Variants in CR1L observed in about 807,000 individuals in gnomAD.
The protein encoded by CR1L is complement C3b/C4b receptor 1 like, also known as complement component receptor 1-like protein.
A neutral mutation model predicts 62.3 loss-of-function variants in CR1L; 59 were observed. That is an observed-to-expected ratio of 0.95 (90% confidence interval 0.77 to 1.18). The LOEUF is 1.18. Among genes scored for constraint, CR1L ranks in the 50% most tolerant of loss-of-function variants. The probability of loss-of-function intolerance (pLI) is 0.00; values close to 1 mark genes in which losing one functional copy is unlikely to be tolerated. For synonymous variants in CR1L, 279 were observed against 248.7 expected (o/e 1.12, Z -1.15); for missense variants, 700 against 702.8 (o/e 1.00, Z 0.04).
chr1:207,657,404 T>G (rs1342293403), intron 1 of CR1L: 1 of 640,784 alleles, frequency 1.6e-6, no homozygotes, highest in Non-Finnish European at 2.8e-6. Flanking sequence ...ATAAAGCAGG[T>G]GTATGTGCTT....
At chr1:207,701,165 T>C (rs1232158894) in intron 8 of CR1L, among the ~76,000 whole-genome samples, 4 of 152,168 alleles carry the variant, frequency 2.6e-5, no homozygotes, top group African/African-American at 9.7e-5. Context: ...GAAATAAAGA[T>C]TGTGTAGGAA....
intron 3 of CR1L, among the ~76,000 whole-genome samples, chr1:207,683,122 C>G (rs1259418995): frequency 7.3e-5 from 11 of 149,876 alleles, no homozygotes; most frequent in African/African-American, 2.7e-4. Context: ...CTCTGACTCT[C>G]TCTCTCTCTC....
At chr1:207,717,102 T>G (rs1276919674) in intron 10 of CR1L, among the ~76,000 whole-genome samples, 2 of 152,226 alleles carry the variant, frequency 1.3e-5, no homozygotes, top group East Asian at 3.8e-4. Flanking sequence ...TGGCCAAAAT[T>G]TTGTCTGTCT....
At chr1:207,682,435 G>A (rs777257744) in intron 3 of CR1L, among the ~76,000 whole-genome samples, 85 of 152,108 alleles carry the variant, frequency 5.6e-4, no homozygotes, top group Non-Finnish European at 9.6e-4. Context: ...CTCCAGCCTG[G>A]GCGACAAGAG....
chr1:207,699,161 C>A, intron 7 of CR1L, 28 bp from the exon 8 acceptor site: 1 of 1,612,976 alleles, frequency 6.2e-7, no homozygotes. Flanking sequence ...TGAAACAGCT[C>A]GCTATTCACT....
At chr1:207,707,894 A>G (rs538382793) in intron 9 of CR1L, among the ~76,000 whole-genome samples, 2 of 152,276 alleles carry the variant, frequency 1.3e-5, no homozygotes, top group African/African-American at 4.8e-5. Context: ...AGAAATTGTC[A>G]AGCAGGTCTA....
At chr1:207,669,863 G>T (rs891427344) in intron 1 of CR1L, among the ~76,000 whole-genome samples, 4 of 151,300 alleles carry the variant, frequency 2.6e-5, no homozygotes, top group East Asian at 1.9e-4. Flanking sequence ...CCTTGCCTTT[G>T]TGTATTCACA....
At chr1:207,690,842 A>C (rs970752538) in intron 4 of CR1L, among the ~76,000 whole-genome samples, 7 of 152,180 alleles carry the variant, frequency 4.6e-5, no homozygotes, top group African/African-American at 1.7e-4. Flanking sequence ...TCCATCTTCA[A>C]GTCGCCTTCT....
intron 11 of CR1L, among the ~76,000 whole-genome samples, chr1:207,719,743 C>CT (rs1192335085): frequency 2.0e-5 from 3 of 152,040 alleles, no homozygotes; most frequent in Non-Finnish European, 4.4e-5. Flanking sequence ...CACACGCACA[C>CT]ACACAAGATA....
intron 10 of CR1L, among the ~76,000 whole-genome samples, chr1:207,712,713 T>C (rs1025540466): frequency 1.3e-5 from 2 of 152,222 alleles, no homozygotes; most frequent in Non-Finnish European, 2.9e-5. Flanking sequence ...GGTGCCTCTC[T>C]TTCCCCCTCA....
intron 4 of CR1L, among the ~76,000 whole-genome samples, chr1:207,688,087 A>G (rs1245839790): frequency 6.6e-6 from 1 of 152,170 alleles, no homozygotes; most frequent in Non-Finnish European, 1.5e-5. Context: ...AGCCTGGGCA[A>G]CAAAGCGAGA....
chr1:207,702,203 A>T (rs1664204956), intron 9 of CR1L, among the ~76,000 whole-genome samples: 1 of 152,112 alleles, frequency 6.6e-6, no homozygotes, highest in Non-Finnish European at 1.5e-5. Flanking sequence ...CATGTCTGTG[A>T]TAGTGATCTG....
At chr1:207,716,455 A>G (rs1654001360) in intron 10 of CR1L, among the ~76,000 whole-genome samples, 1 of 152,240 alleles carries the variant, frequency 6.6e-6, no homozygotes, top group African/African-American at 2.4e-5. Flanking sequence ...CTAAGACATT[A>G]CTGATTTACC....
chr1:207,675,065 G>GCAAC (rs1426367608), intron 1 of CR1L, among the ~76,000 whole-genome samples: 1 of 151,832 alleles, frequency 6.6e-6, no homozygotes, highest in African/African-American at 2.4e-5. Flanking sequence ...AATATGCATT[G>GCAAC]AGTGCTTATA....
intron 5 of CR1L, among the ~76,000 whole-genome samples, 177 bp from the exon 6 acceptor site, chr1:207,697,326 G>A (rs780741843): frequency 3.3e-5 from 5 of 152,340 alleles, no homozygotes; most frequent in Non-Finnish European, 7.3e-5. Context: ...AGTTCTATGA[G>A]TGATGGCAAG....
At chr1:207,674,219 T>C (rs1051188537) in intron 1 of CR1L, among the ~76,000 whole-genome samples, 1 of 152,150 alleles carries the variant, frequency 6.6e-6, no homozygotes, top group African/African-American at 2.4e-5. Context: ...CAGAAGGACA[T>C]GAGGGAACTG....
chr1:207,717,330 A>T, intron 10 of CR1L, 134 bp from the exon 11 acceptor site: 1 of 1,046,272 alleles, frequency 9.6e-7, no homozygotes, highest in Non-Finnish European at 1.4e-6. Flanking sequence ...TACAGATTTA[A>T]ATTCCATCCA....
chr1:207,697,974 A>G, intron 7 of CR1L, 101 bp downstream of exon 7: 1 of 1,329,312 alleles, frequency 7.5e-7, no homozygotes, highest in Admixed American at 1.9e-5. Context: ...ACAGACAGAC[A>G]GACACACACA....
At chr1:207,694,793 G>C (rs1315160127) in intron 5 of CR1L, 42 bp downstream of exon 5, 2 of 1,611,644 alleles carry the variant, frequency 1.2e-6, no homozygotes, top group East Asian at 4.5e-5. Context: ...CCAGTGACAT[G>C]CATTGCTGTT....
Sources: allele counts gnomAD v4.1 joint callset (sites outside exome capture counted in the v4.1 genomes callset), GRCh38; gene constraint gnomAD v4.1.1; transcripts MANE v1.5; gene names NCBI Gene and HGNC (gene_info 2026-07-23, HGNC 2026-07-21).